Variants in GSN observed in about 807,000 individuals in gnomAD.
GSN encodes the protein actin-depolymerizing factor.
A neutral mutation model predicts 85.7 loss-of-function variants in GSN; 56 were observed. That is an observed-to-expected ratio of 0.65 (90% CI 0.53 to 0.82). The LOEUF is 0.82. Among genes scored for constraint, GSN ranks in the 40% least tolerant of loss-of-function variants. The pLI is 0.00. For synonymous variants in GSN, 373 were observed against 399.1 expected, an observed-to-expected ratio of 0.93 and a Z score of 0.78; for missense variants, 857 against 979.8, an observed-to-expected ratio of 0.87 and a Z score of 1.67.
intron 10 of GSN, among the ~76,000 whole-genome samples, 198 bp from the exon 11 acceptor site, chr9:121,321,070 A>T (rs557277880): frequency 5.0e-4 from 76 of 152,206 alleles, no homozygotes; most frequent in Non-Finnish European, 7.4e-4. Flanking sequence ...CCCAGGCAGG[A>T]ACCCTGACCC....
At chr9:121,249,587 C>A (rs1170102527) in intron 6 of GSN, among the ~76,000 whole-genome samples, 1 of 152,166 alleles carries the variant, frequency 6.6e-6, no homozygotes, top group South Asian at 2.1e-4. Context: ...GGATATATTT[C>A]TATTTATCTA....
At chr9:121,327,254 G>C (rs2063322903) in intron 13 of GSN, 54 bp from the exon 14 acceptor site, 1 of 1,447,356 alleles carries the variant, frequency 6.9e-7, no homozygotes, top group African/African-American at 1.4e-5. Context: ...GCTGTGAGGA[G>C]GGGGCTGAGG....
At position 121,332,533 on chromosome 9, in the gene GSN, T is replaced by G; in HGVS notation, c.2126T>G (p.Phe709Cys). ...GFEPPSFVGW[F>C]LGWDDDYWSV... ...GAGCCTCCCTCCTTTGTGGGCTGGT[T>G]CCTTGGCTGGGATGATGATTACTGG... The change falls in exon 18 of 18, where the codon TTC (phenylalanine) becomes TGC (cysteine). Residue 709 changes from phenylalanine (F) to cysteine (C), a missense_variant. Coordinates refer to ENST00000432226, the MANE Select transcript of GSN (RefSeq NM_198252.3). This position sits in a 1 kb window ranked among gnomAD's most constrained non-coding sequence, Gnocchi z 4.8. 5.6e-6 allele frequency: 9 copies of G among 1,614,126 alleles called. No individual in the cohort carries two copies. The highest frequency in any genetic ancestry group is 5.9e-6 in the Non-Finnish European group (7 of 1,180,010).
chr9:121,212,421 G>T (rs528075116), intron 4 of GSN, among the ~76,000 whole-genome samples: 4 of 152,052 alleles, frequency 2.6e-5, no homozygotes, highest in African/African-American at 9.7e-5. Context: ...CCACTTCACC[G>T]TAGCCCTCTA....
intron 5 of GSN, chr9:121,239,235 C>T (rs1343307456): frequency 2.8e-5 from 10 of 357,164 alleles, no homozygotes; most frequent in Non-Finnish European, 4.9e-5. Flanking sequence ...TAGATGAACT[C>T]ATATCTGTTA....
At chr9:121,232,614 C>T (rs1001425957) in intron 5 of GSN, among the ~76,000 whole-genome samples, 8 of 152,124 alleles carry the variant, frequency 5.3e-5, no homozygotes, top group African/African-American at 7.2e-5. Flanking sequence ...TTCAAGTGTA[C>T]GATATGGTAT....
At chr9:121,327,270 T>G (rs551173997) in intron 13 of GSN, 38 bp from the exon 14 acceptor site, 2 of 1,581,736 alleles carry the variant, frequency 1.3e-6, no homozygotes, top group Non-Finnish European at 1.7e-6. Context: ...TGAGGGCTTT[T>G]TGTCTGGTTC....
chr9:121,295,665 G>T (rs1314570526), intron 2 of GSN, among the ~76,000 whole-genome samples: 7 of 152,168 alleles, frequency 4.6e-5, no homozygotes, highest in Admixed American at 4.6e-4. Flanking sequence ...AGAGCTGGTT[G>T]TGTTGTGGAG....
intron 5 of GSN, among the ~76,000 whole-genome samples, chr9:121,231,970 G>A (rs901409044): frequency 5.9e-5 from 9 of 152,248 alleles, no homozygotes; most frequent in South Asian, 2.1e-4. Flanking sequence ...GGGAATCTGA[G>A]GCAGGAGAAT....
intron 10 of GSN, among the ~76,000 whole-genome samples, chr9:121,320,657 A>C (rs2062312744): frequency 1.3e-5 from 2 of 151,992 alleles, no homozygotes; most frequent in African/African-American, 2.4e-5. Flanking sequence ...AAAAACAAAA[A>C]AAAAAAAAAG....
chr9:121,274,524 G>A (rs2056423321), intron 1 of GSN, among the ~76,000 whole-genome samples: 1 of 151,996 alleles, frequency 6.6e-6, no homozygotes, highest in Non-Finnish European at 1.5e-5. Flanking sequence ...AAAAAATTCA[G>A]TGACACTTGT....
At chr9:121,330,084 C>T (rs576798271) in intron 16 of GSN, among the ~76,000 whole-genome samples, 1 of 152,296 alleles carries the variant, frequency 6.6e-6, no homozygotes, top group South Asian at 2.1e-4. Flanking sequence ...CAGCTTGAGC[C>T]ATTCAGCAGT....
At chr9:121,232,151 A>G (rs1383172841) in intron 5 of GSN, among the ~76,000 whole-genome samples, 2 of 152,196 alleles carry the variant, frequency 1.3e-5, no homozygotes, top group African/African-American at 4.8e-5. Flanking sequence ...AAGATTTGAT[A>G]ATCCCAAACC....
At chr9:121,228,594 C>T (rs923713123) in intron 4 of GSN, among the ~76,000 whole-genome samples, 41 of 151,224 alleles carry the variant, frequency 2.7e-4, no homozygotes, top group Non-Finnish European at 5.2e-4. Context: ...CCACCATACC[C>T]GGATAATTTT....
intron 4 of GSN, 126 bp downstream of exon 4, chr9:121,303,191 GTC>G: frequency 2.3e-6 from 2 of 888,204 alleles, no homozygotes; most frequent in Admixed American, 3.8e-5. Flanking sequence ...AGGCTTTGGA[GTC>G]AACCAACATT....
intron 4 of GSN, chr9:121,308,298 C>T (rs1205972993): frequency 1.3e-5 from 2 of 152,296 alleles, no homozygotes; most frequent in Non-Finnish European, 2.9e-5. Context: ...ACTGGCAACC[C>T]AAAAACATCC....
At chr9:121,316,717 C>A (rs937546322) in intron 7 of GSN, among the ~76,000 whole-genome samples, 1 of 152,230 alleles carries the variant, frequency 6.6e-6, no homozygotes, top group Non-Finnish European at 1.5e-5. Context: ...GCCATCCACC[C>A]ACCTGGGCCT....
Position 121,299,635 on chromosome 9 carries a change from A to C in GSN, c.-9-2328A>C, listed in dbSNP as rs2059570663. ...ACACAGCTAGCGCCCGCCGTATGTC[A>C]GGCCTGGTGCTGGGTCTCCGCCCCG... On this transcript the variant is annotated intron_variant, in intron 2 of 17. Coordinates refer to ENST00000432226, the MANE Select transcript of GSN (RefSeq NM_198252.3). This position sits in a 1 kb window ranked among gnomAD's most constrained non-coding sequence, Gnocchi z 4.2. 2.0e-6 allele frequency: 1 copy of C among 489,984 alleles called. No individual in the cohort carries two copies. Among genetic ancestry groups the C allele is most frequent in the Non-Finnish European group, 2.7e-6 (1 of 377,208 alleles). The allele number at this position is 489,984 out of a possible 1,614,324, so 30.4% of individuals were successfully genotyped here. A position where few individuals can be genotyped will look rare whatever the true frequency, so the allele number is the denominator to read the frequency against.
Position 121,326,497 on chromosome 9 carries a change from C to A in GSN, c.1417-15C>A, listed in dbSNP as rs2063183637. 6.2e-7 allele frequency: 1 copy of A among 1,612,668 alleles called. No homozygotes were observed. The highest frequency in any genetic ancestry group is 1.3e-5 in the African/African-American group (1 of 75,024). The stretch of plus-strand genomic sequence containing the variant: ...CCCCCAAGGTCCCTGACTTGCTCTC[C>A]TGTCTCCCTGCCAGAGCCGTGTGGT... On this transcript the variant is annotated splice_polypyrimidine_tract_variant and intron_variant, in intron 12 of 17. Transcript: ENST00000432226.
Sources: gnomAD v4.1 joint callset for allele counts (sites outside exome capture counted in the v4.1 genomes callset) on GRCh38, gnomAD v4.1.1 for gene constraint, Gnocchi (gnomAD v3.1) non-coding constraint, MANE v1.5 for transcripts, NCBI Gene and HGNC (gene_info 2026-07-23, HGNC 2026-07-21) for gene names.